Variants in ATP12A observed in about 807,000 individuals in gnomAD.
The protein encoded by ATP12A is ATPase H+/K+ transporting non-gastric alpha2 subunit, also known as potassium-transporting ATPase alpha chain 2.
A neutral mutation model predicts 111.2 loss-of-function variants in ATP12A; 81 were observed. That is an observed-to-expected ratio of 0.73 (90% CI 0.61 to 0.88). The LOEUF (loss-of-function observed/expected upper bound fraction) is 0.88, where lower values mean the gene tolerates loss of function less well. Ranked by LOEUF, ATP12A falls within the 40% of genes least tolerant of loss-of-function variation. The probability of loss-of-function intolerance (pLI) is 0.00; values close to 1 mark genes in which losing one functional copy is unlikely to be tolerated. For synonymous variants in ATP12A, 498 were observed against 499.8 expected, an observed-to-expected ratio of 1.00 and a Z score of 0.05; for missense variants, 1,196 against 1,313.1, an observed-to-expected ratio of 0.91 and a Z score of 1.38.
At chr13:24,708,950 A>AAAGGAAGGAAGG (rs1555255702) in intron 17 of ATP12A, among the ~76,000 whole-genome samples, 8 of 131,496 alleles carry the variant, frequency 6.1e-5, no homozygotes, top group Non-Finnish European at 8.3e-5. Context: ...AGAAAGAAAG[A>AAAGGAAGGAAGG]AAGAAAGAAA....
Position 24,709,497 on chromosome 13 carries a change from G to A in ATP12A, c.2617+10G>A, listed in dbSNP as rs1387975333. On this transcript the variant is annotated intron_variant, in intron 18 of 22. Transcript: ENST00000381946. Reference sequence around the variant, plus strand: ...TCATACCTGCACATTGGTACGATGAGGGCGCGTCTTCCCCATCACACGAGG... The same window carrying A: ...TCATACCTGCACATTGGTACGATGAAGGCGCGTCTTCCCCATCACACGAGG... 5 of 1,611,662 alleles carry A rather than the reference G, an allele frequency of 3.1e-6. No homozygotes were observed. In the African/African-American group the frequency reaches 4.0e-5, roughly 13 times the overall value.
chr13:24,690,498 A>G, intron 6 of ATP12A, 26 bp downstream of exon 6: 1 of 1,612,600 alleles, frequency 6.2e-7, no homozygotes, highest in Non-Finnish European at 8.5e-7. Context: ...TATCCACCCC[A>G]AGGACCATGT....
chr13:24,698,891 A>G (rs369477629), intron 12 of ATP12A, 41 bp downstream of exon 12: 92 of 1,604,322 alleles, frequency 5.7e-5, no homozygotes, highest in Non-Finnish European at 7.4e-5. Context: ...CCTGGTGGGC[A>G]CAGAGATGAG....
At chr13:24,700,278 C>A (rs1398582004) in intron 12 of ATP12A, among the ~76,000 whole-genome samples, 1 of 152,168 alleles carries the variant, frequency 6.6e-6, no homozygotes, top group East Asian at 1.9e-4. Context: ...ATGCTGTTTT[C>A]TCTGCTGAAA....
Position 24,711,603 on chromosome 13 carries a change from C to T in ATP12A, c.*81C>T, listed in dbSNP as rs762498405. ...TCTGACCGTTTGCTGGGCTATTCCC[C>T]TGCAGTGCAGACATCGTCAAAATTC... On this transcript the variant is annotated 3_prime_UTR_variant, in exon 23 of 23. Transcript: ENST00000381946. 2.6e-4 allele frequency: 415 copies of T among 1,582,376 alleles called. No individual in the cohort carries two copies. The highest frequency in any genetic ancestry group is 3.3e-4 in the Non-Finnish European group (383 of 1,152,386).
Position 24,698,694 on chromosome 13 carries a change from C to T in ATP12A, c.1549C>T (p.Arg517Cys), listed in dbSNP as rs138014271. ...IHEMDDPHGK[R>C]FLMVMKGAPE... ...CGAGATGGATGACCCCCACGGCAAGCGCTTCCTCATGGTGATGAAGGGGGC... is the reference window on the plus strand; with the variant it reads ...CGAGATGGATGACCCCCACGGCAAGTGCTTCCTCATGGTGATGAAGGGGGC... Residue 517 changes from arginine to cysteine, a missense_variant, in exon 12 of 23, where the codon CGC becomes TGC. Coordinates refer to ENST00000381946, the MANE Select transcript of ATP12A (RefSeq NM_001676.7). The T allele has an allele frequency of 5.6e-5, 91 of 1,613,850 alleles. No homozygotes were observed. The East Asian group carries it at 1.6e-3, about 28-fold the overall frequency.
At position 24,700,890 on chromosome 13, in the gene ATP12A, G is replaced by A. The variant is rs147302305; in HGVS notation, c.1849G>A (p.Ala617Thr). 1.5e-5 allele frequency: 25 copies of A among 1,614,052 alleles called. No individual in the cohort carries two copies. In the African/African-American group the frequency reaches 3.1e-4, roughly 20 times the overall value. Residue 617 changes from alanine (A) to threonine (T), a missense_variant, in exon 13 of 23, where the codon GCA becomes ACA. This residue lies in a region of ATP12A where 1,126 missense variants were observed against 1,228.5 expected (regional missense o/e 0.92). Coordinates refer to ENST00000381946, the MANE Select transcript of ATP12A (RefSeq NM_001676.7). ...IDPPRSTVPD[A>T]VTKCRSAGIK... ...TCCCCCTCGGTCCACCGTGCCAGATGCAGTCACCAAATGCCGGAGTGCAGG... is the reference window on the plus strand; with the variant it reads ...TCCCCCTCGGTCCACCGTGCCAGATACAGTCACCAAATGCCGGAGTGCAGG...
intron 3 of ATP12A, 64 bp from the exon 4 acceptor site, chr13:24,688,255 G>A (rs1874739735): frequency 9.2e-6 from 14 of 1,526,392 alleles, no homozygotes; most frequent in African/African-American, 1.4e-5. Context: ...CAACCCCTGA[G>A]GGAGGAGGAA....
In ATP12A at chr13:24,680,518, T is replaced by TGGGCG. The variant is rs1874386603; in HGVS notation, c.-218_-214dup. 2.1e-6 allele frequency: 1 copy of TGGGCG among 487,236 alleles called. No homozygotes were observed. The highest frequency in any genetic ancestry group is 2.1e-5 in the African/African-American group (1 of 48,590). The allele number at this position is 487,236 out of a possible 1,614,324, so 30.2% of individuals were successfully genotyped here. A position where few individuals can be genotyped will look rare whatever the true frequency, so the allele number is the denominator to read the frequency against. ...GCTGGCCTGCGCCCTGGCGGGGACGTGGGCGGGGCGGGCGGCATTTAAGGC... is the reference window on the plus strand; with the variant it reads ...GCTGGCCTGCGCCCTGGCGGGGACGTGGGCGGGGCGGGGCGGGCGGCATTTAAGGC... On this transcript the variant is annotated 5_prime_UTR_variant, in exon 1 of 23. Transcript: ENST00000381946.
chr13:24,694,452 G>C lies in ATP12A; in HGVS notation c.1386G>C (p.Val462=). 1 of 1,613,046 alleles carries C rather than the reference G, an allele frequency of 6.2e-7. No individual in the cohort carries two copies. The highest frequency in any genetic ancestry group is 1.7e-5 in the Admixed American group (1 of 59,642). Residue 462 remains valine (V), a synonymous_variant, in exon 11 of 23, where the codon GTG becomes GTC. Transcript: ENST00000381946. ...QENVPIMKKA[V]IGDASETALL... ...TCTTCTTTGATTCCCAGAAAGCTGT[G>C]ATTGGAGATGCCTCAGAAACTGCTC...
chr13:24,708,954 A>AAAGG (rs1566078362), intron 17 of ATP12A, among the ~76,000 whole-genome samples: 3 of 121,038 alleles, frequency 2.5e-5, no homozygotes, highest in Non-Finnish European at 1.9e-5. Context: ...AGAAAGAAAG[A>AAAGG]AAGAAAGAAG....
intron 13 of ATP12A, among the ~76,000 whole-genome samples, chr13:24,701,192 T>C (rs1397950517): frequency 6.6e-6 from 1 of 152,178 alleles, no homozygotes; most frequent in Non-Finnish European, 1.5e-5. Flanking sequence ...CCCTAGTCCA[T>C]GGTAGATACT....
rs1416771610 is a variant in ATP12A, at chr13:24,685,515, T to C, written c.228+142T>C. 3 of 764,664 alleles carry C rather than the reference T, an allele frequency of 3.9e-6. No individual in the cohort carries two copies. The highest frequency in any genetic ancestry group is 2.5e-5 in the East Asian group (1 of 40,324). 47.4% of individuals were successfully genotyped at this position (764,664 alleles called of 1,614,324 possible). On this transcript the variant is annotated intron_variant, in intron 3 of 22. Transcript: ENST00000381946. This position sits in a 1 kb window ranked among gnomAD's most constrained non-coding sequence, Gnocchi z 5.5. ...TGCAGCGCCTTTGAGACTGCAGTTA[T>C]TTGCATCTGGACACAGTTCAAGTCA...
chr13:24,702,124 AC>A, intron 14 of ATP12A, 53 bp downstream of exon 14: 1 of 1,610,320 alleles, frequency 6.2e-7, no homozygotes, highest in East Asian at 2.2e-5. Flanking sequence ...ATGGGGCCCC[AC>A]TGGCTCTAAA....
At position 24,707,159 on chromosome 13, in the gene ATP12A, A is replaced by T. The variant is rs752493600; in HGVS notation, c.2306A>T (p.Asn769Ile). 6.8e-6 allele frequency: 11 copies of T among 1,614,000 alleles called. No individual in the cohort carries two copies. In the East Asian group the frequency reaches 8.9e-5, roughly 13 times the overall value. Residue 769 changes from asparagine to isoleucine, a missense_variant, in exon 16 of 23, where the codon AAC (asparagine) becomes ATC (isoleucine). Coordinates refer to ENST00000381946, the MANE Select transcript of ATP12A (RefSeq NM_001676.7). ...GCCGACATGGTCTTGCTGGACGACA[A>T]CTTCGCATCCATCGTCACAGGGGTG... ...NAADMVLLDD[N>I]FASIVTGVEE...
At chr13:24,706,181 T>C in intron 14 of ATP12A, 132 bp from the exon 15 acceptor site, 1 of 1,198,118 alleles carries the variant, frequency 8.3e-7, no homozygotes, top group Non-Finnish European at 1.2e-6. Flanking sequence ...GTTACCTCAC[T>C]AGAGCATTAG....
In ATP12A at chr13:24,709,464, C is replaced by G. The variant is rs1216461533; in HGVS notation, c.2594C>G (p.Ala865Gly). The G allele has an allele frequency of 2.5e-6, 4 of 1,613,976 alleles. No individual in the cohort carries two copies. The highest frequency in any genetic ancestry group is 3.3e-5 in the Admixed American group (2 of 59,990). ...NKDRLVNQPL[A>G]VYSYLHIGLM... ...GACAGGCTGGTGAACCAGCCGCTCGCTGTGTACTCATACCTGCACATTGGT... is the reference window on the plus strand; with the variant it reads ...GACAGGCTGGTGAACCAGCCGCTCGGTGTGTACTCATACCTGCACATTGGT... The change falls in exon 18 of 23, where the codon GCT becomes GGT. Residue 865 changes from alanine to glycine, a missense_variant. By Grantham distance (60) the Ala-to-Gly change is moderately conservative. Around this residue, in one of 3 missense-constraint regions of ATP12A, gnomAD observed 1,126 missense variants for 1,228.5 expected, o/e 0.92. Transcript: ENST00000381946.
chr13:24,698,897 A>T (rs750242147), intron 12 of ATP12A, 47 bp downstream of exon 12: 4 of 1,598,412 alleles, frequency 2.5e-6, no homozygotes, highest in Non-Finnish European at 2.6e-6. Flanking sequence ...GGGCACAGAG[A>T]TGAGGCAGGC....
chr13:24,711,407 G>T lies in ATP12A; in HGVS notation c.3089G>T (p.Gly1030Val). 5.0e-6 allele frequency: 8 copies of T among 1,613,802 alleles called. No homozygotes were observed. The highest frequency in any genetic ancestry group is 6.8e-6 in the Non-Finnish European group (8 of 1,179,896). The stretch of plus-strand genomic sequence containing the variant: ...AAGCTCTTCATCAGGCTCTACCCTG[G>T]AAGTGAGTAGCCTATGATTTTAGAG... ...VRKLFIRLYP[G>V]SWWDKNMYY is the part of the protein sequence containing the mutation. The change falls in exon 22 of 23, where the codon GGA (glycine) becomes GTA (valine). Residue 1030 changes from glycine (G) to valine (V), a missense_variant and splice_region_variant. Around this residue, in one of 3 missense-constraint regions of ATP12A, gnomAD observed 1,126 missense variants for 1,228.5 expected, o/e 0.92. Transcript: ENST00000381946.
Sources: gnomAD v4.1 joint callset for allele counts (sites outside exome capture counted in the v4.1 genomes callset) on GRCh38, gnomAD v4.1.1 for gene constraint, gnomAD v4.1.1 regional missense constraint, Gnocchi (gnomAD v3.1) non-coding constraint, MANE v1.5 for transcripts, NCBI Gene and HGNC (gene_info 2026-07-23, HGNC 2026-07-21) for gene names.